Variants in ADCY2 observed in about 807,000 individuals in gnomAD.
ADCY2 encodes adenylate cyclase type 2.
In ADCY2, 31 loss-of-function variants were observed where a neutral mutation model predicts 125.2. The ratio of observed to expected loss-of-function variants is 0.25; its 90% CI spans 0.19 to 0.33. The LOEUF is 0.33. ADCY2 is among the 10% of genes least tolerant of loss of function. The pLI, the probability that ADCY2 is intolerant of heterozygous loss-of-function variation, is 1.00. For synonymous variants in ADCY2, 512 were observed against 548.4 expected, an observed-to-expected ratio of 0.93 and a Z score of 0.93; for missense variants, 904 against 1,418.2, an observed-to-expected ratio of 0.64 and a Z score of 5.82.
chr5:7,572,107 G>C (rs1199724949), intron 3 of ADCY2, among the ~76,000 whole-genome samples: 3 of 152,106 alleles, frequency 2.0e-5, no homozygotes, highest in African/African-American at 7.2e-5. Flanking sequence ...ACATACACTT[G>C]CATGTGTCTT....
chr5:7,403,765 G>A (rs535757846), intron 1 of ADCY2, among the ~76,000 whole-genome samples: 1 of 152,188 alleles, frequency 6.6e-6, no homozygotes, highest in South Asian at 2.1e-4. Flanking sequence ...TATAGAAATT[G>A]AGATTCATTT....
At chr5:7,820,488 C>T in intron 23 of ADCY2, 77 bp from the exon 24 acceptor site, 1 of 1,532,646 alleles carries the variant, frequency 6.5e-7, no homozygotes. Context: ...AATAAGACCC[C>T]ATCTCAAAAA....
chr5:7,814,278 T>C (rs1745033973), intron 22 of ADCY2, among the ~76,000 whole-genome samples: 1 of 152,180 alleles, frequency 6.6e-6, no homozygotes, highest in South Asian at 2.1e-4. Flanking sequence ...TAATTCTTCT[T>C]CTCCATTCAT....
At chr5:7,534,525 A>G (rs778160971) in intron 3 of ADCY2, among the ~76,000 whole-genome samples, 1 of 152,246 alleles carries the variant, frequency 6.6e-6, no homozygotes, top group Non-Finnish European at 1.5e-5. Context: ...AAGCAAAGAT[A>G]AAGAGAGTGA....
At chr5:7,523,829 T>C (rs898103462) in intron 3 of ADCY2, among the ~76,000 whole-genome samples, 4 of 152,210 alleles carry the variant, frequency 2.6e-5, no homozygotes, top group Non-Finnish European at 4.4e-5. Flanking sequence ...TGGCCTGATA[T>C]GAAGAAAGAG....
chr5:7,459,383 G>T (rs564019623), intron 2 of ADCY2, among the ~76,000 whole-genome samples: 1 of 152,186 alleles, frequency 6.6e-6, no homozygotes, highest in Non-Finnish European at 1.5e-5. Context: ...TGCGGTTGCT[G>T]TTTCTTTTCA....
intron 2 of ADCY2, among the ~76,000 whole-genome samples, chr5:7,501,327 C>A (rs1002448880): frequency 1.3e-5 from 2 of 152,146 alleles, no homozygotes; most frequent in Non-Finnish European, 2.9e-5. Flanking sequence ...TCGATGGAAA[C>A]ACTTAAGCAT....
intron 2 of ADCY2, among the ~76,000 whole-genome samples, chr5:7,495,947 G>C (rs1743332288): frequency 6.6e-6 from 1 of 152,178 alleles, no homozygotes; most frequent in African/African-American, 2.4e-5. Flanking sequence ...ATACATGTGT[G>C]TTCTTTCTCT....
At position 7,668,367 on chromosome 5, in the gene ADCY2, TG is replaced by T. The variant is rs556107933; in HGVS notation, c.721-22322del. Among the ~76,000 whole-genome samples, 32 of 152,320 alleles carry T rather than the reference TG, an allele frequency of 2.1e-4. No homozygotes were observed. In the South Asian group the frequency reaches 3.9e-3, roughly 19 times the overall value. On this transcript the variant is annotated intron_variant, in intron 4 of 24. Transcript: ENST00000338316. ...ACCTTCAGACTGCTCATCTGCCCTG[TG>T]GAATCTTAACTTGCCAGCTCCTGCA...
At chr5:7,552,144 T>C (rs1354912579) in intron 3 of ADCY2, among the ~76,000 whole-genome samples, 1 of 152,208 alleles carries the variant, frequency 6.6e-6, no homozygotes, top group Non-Finnish European at 1.5e-5. Flanking sequence ...ATAATTGCTT[T>C]CAGTGAACAG....
At chr5:7,821,392 T>TC (rs919239271) in intron 24 of ADCY2, among the ~76,000 whole-genome samples, 4 of 151,984 alleles carry the variant, frequency 2.6e-5, no homozygotes, top group Non-Finnish European at 4.4e-5. Flanking sequence ...GCTGAAACTA[T>TC]CCCCCCAGTT....
At chr5:7,745,803 C>G (rs1742599215) in intron 15 of ADCY2, among the ~76,000 whole-genome samples, 1 of 152,192 alleles carries the variant, frequency 6.6e-6, no homozygotes, top group African/African-American at 2.4e-5. Context: ...CCCAGGGAAT[C>G]TGGTCTTGGA....
intron 2 of ADCY2, among the ~76,000 whole-genome samples, chr5:7,510,740 A>G (rs1039559084): frequency 1.3e-5 from 2 of 152,220 alleles, no homozygotes; most frequent in Non-Finnish European, 2.9e-5. Context: ...GACCCAGGTT[A>G]CCAAATGTAC....
At chr5:7,562,650 G>GACAC (rs141765300) in intron 3 of ADCY2, among the ~76,000 whole-genome samples, 2 of 151,862 alleles carry the variant, frequency 1.3e-5, no homozygotes, top group Non-Finnish European at 2.9e-5. Context: ...GACATAGACA[G>GACAC]ACACACACAC....
intron 1 of ADCY2, 107 bp from the exon 2 acceptor site, chr5:7,414,466 A>G (rs556179386): frequency 2.1e-6 from 2 of 957,044 alleles, no homozygotes; most frequent in Non-Finnish European, 1.5e-6. Context: ...CTTAAACCCA[A>G]TATATTCTGA....
At chr5:7,789,936 CTTGAA>C (rs1744201379) in intron 20 of ADCY2, 136 bp downstream of exon 20, 1 of 669,954 alleles carries the variant, frequency 1.5e-6, no homozygotes. Flanking sequence ...CCAAGATTGG[CTTGAA>C]TTGTTCAGTT....
At chr5:7,812,579 G>A (rs370965343) in intron 22 of ADCY2, among the ~76,000 whole-genome samples, 1 of 152,178 alleles carries the variant, frequency 6.6e-6, no homozygotes, top group Non-Finnish European at 1.5e-5. Flanking sequence ...TGCATTGCTT[G>A]TATCCATTTA....
At chr5:7,527,027 A>G (rs1414720597) in intron 3 of ADCY2, among the ~76,000 whole-genome samples, 1 of 152,248 alleles carries the variant, frequency 6.6e-6, no homozygotes. Context: ...ATTTGACTGT[A>G]AGTTCCATGA....
chr5:7,442,103 G>A (rs984236618), intron 2 of ADCY2, among the ~76,000 whole-genome samples: 1 of 152,098 alleles, frequency 6.6e-6, no homozygotes, highest in South Asian at 2.1e-4. Flanking sequence ...ACACAATCCA[G>A]TCTATACTCT....
Sources: gnomAD v4.1 joint callset for allele counts (sites outside exome capture counted in the v4.1 genomes callset) on GRCh38, gnomAD v4.1.1 for gene constraint, MANE v1.5 for transcripts, NCBI Gene and HGNC (gene_info 2026-07-23, HGNC 2026-07-21) for gene names.